CDK19: variants seen among roughly 807,000 people sequenced by gnomAD.
CDK19 encodes cyclin-dependent kinase 19.
A neutral mutation model predicts 68.3 loss-of-function variants in CDK19; 20 were observed. That is an observed-to-expected ratio of 0.29 (90% CI 0.21 to 0.43). CDK19 has a LOEUF of 0.43. CDK19 is among the 20% of genes least tolerant of loss of function. The probability of loss-of-function intolerance (pLI) is 1.00; values close to 1 mark genes in which losing one functional copy is unlikely to be tolerated. For synonymous variants in CDK19, 221 were observed against 222.8 expected (o/e 0.99, Z 0.07); for missense variants, 339 against 623.5 (o/e 0.54, Z 4.86).
intron 2 of CDK19, among the ~76,000 whole-genome samples, chr6:110,710,607 G>C (rs1023489486): frequency 6.6e-6 from 1 of 152,216 alleles, no homozygotes; most frequent in Admixed American, 6.5e-5. Context: ...GAGATTTGCT[G>C]TCTGGTGAGG....
chr6:110,647,267 G>C (rs1269099809), intron 4 of CDK19, among the ~76,000 whole-genome samples: 1 of 151,998 alleles, frequency 6.6e-6, no homozygotes, highest in Non-Finnish European at 1.5e-5. Flanking sequence ...CAAGAGACCA[G>C]CGACTTCACC....
intron 1 of CDK19, among the ~76,000 whole-genome samples, chr6:110,761,065 A>C (rs2114951878): frequency 6.6e-6 from 1 of 152,316 alleles, no homozygotes; most frequent in Non-Finnish European, 1.5e-5. Flanking sequence ...CAGATGAAGC[A>C]GAACAAGTAG....
intron 1 of CDK19, among the ~76,000 whole-genome samples, chr6:110,752,925 TTTTA>T (rs1373603629): frequency 6.6e-6 from 1 of 152,026 alleles, no homozygotes; most frequent in Non-Finnish European, 1.5e-5. Flanking sequence ...GTTTTTGGTT[TTTTA>T]TTTGTTTGTT....
intron 6 of CDK19, among the ~76,000 whole-genome samples, chr6:110,630,299 A>G (rs1156691170): frequency 6.6e-6 from 1 of 152,194 alleles, no homozygotes; most frequent in East Asian, 1.9e-4. Flanking sequence ...ATTTCTATGG[A>G]GATTGCATCC....
intron 2 of CDK19, among the ~76,000 whole-genome samples, chr6:110,672,788 C>T (rs1771133922): frequency 6.6e-6 from 1 of 151,834 alleles, no homozygotes; most frequent in Non-Finnish European, 1.5e-5. Context: ...GAAATACTTC[C>T]TTCAGGTGAG....
intron 2 of CDK19, among the ~76,000 whole-genome samples, chr6:110,672,210 C>T (rs145683341): frequency 5.3e-5 from 8 of 152,252 alleles, no homozygotes; most frequent in Admixed American, 6.5e-5. Context: ...TATTGATGAA[C>T]GTAGAGAGTT....
chr6:110,730,258 C>T (rs1776650528), intron 2 of CDK19, among the ~76,000 whole-genome samples: 1 of 152,180 alleles, frequency 6.6e-6, no homozygotes, highest in Admixed American at 6.5e-5. Context: ...GGCTATTTTA[C>T]TTCCTGGCAA....
At chr6:110,632,813 C>T (rs768300063) in intron 5 of CDK19, among the ~76,000 whole-genome samples, 8 of 152,182 alleles carry the variant, frequency 5.3e-5, no homozygotes, top group Non-Finnish European at 8.8e-5. Context: ...CCAGGTCTGA[C>T]TTTAGATTCC....
chr6:110,790,352 T>C (rs1276187819), intron 1 of CDK19, among the ~76,000 whole-genome samples: 2 of 152,094 alleles, frequency 1.3e-5, no homozygotes, highest in African/African-American at 2.4e-5. Flanking sequence ...CTGGCCAACA[T>C]GGAGAAAACC....
intron 2 of CDK19, among the ~76,000 whole-genome samples, chr6:110,743,623 CAG>C (rs1321021216): frequency 6.6e-6 from 1 of 151,870 alleles, no homozygotes; most frequent in Non-Finnish European, 1.5e-5. Context: ...GCCTGGGTGA[CAG>C]AGTGAGATTC....
chr6:110,644,017 G>A (rs1780373663), intron 4 of CDK19, among the ~76,000 whole-genome samples: 1 of 152,036 alleles, frequency 6.6e-6, no homozygotes, highest in African/African-American at 2.4e-5. Context: ...CAATTGGCCA[G>A]GCGCAGTGGC....
rs1373675435 is a variant in CDK19 at position 110,755,238 on chromosome 6, G to A, written c.129-9037C>T. ...GTATTTTTGGTAGAGATGGGGTTTC[G>A]CTATGTTGGCCAGGCTGGTCTCGAA... On this transcript the variant is annotated intron_variant, in intron 1 of 12. Transcript: ENST00000368911. Among the ~76,000 whole-genome samples, 7 of 151,714 alleles carry A rather than the reference G, an allele frequency of 4.6e-5. 1 individual carries two copies. The highest frequency in any genetic ancestry group is 6.3e-3 in the Middle Eastern group (2 of 316).
chr6:110,685,747 C>T (rs1272321039), intron 2 of CDK19, among the ~76,000 whole-genome samples: 2 of 152,200 alleles, frequency 1.3e-5, no homozygotes, highest in African/African-American at 2.4e-5. Flanking sequence ...CAAAGCTATT[C>T]ACCCCAAAGG....
At chr6:110,664,370 G>A (rs1000738471) in intron 4 of CDK19, among the ~76,000 whole-genome samples, 1 of 152,252 alleles carries the variant, frequency 6.6e-6, no homozygotes, top group South Asian at 2.1e-4. Flanking sequence ...GATTCAGTCT[G>A]TACTTCTCAT....
chr6:110,677,785 A>G (rs1296165223), intron 2 of CDK19, among the ~76,000 whole-genome samples: 4 of 152,092 alleles, frequency 2.6e-5, no homozygotes, highest in Non-Finnish European at 4.4e-5. Flanking sequence ...AACTGTTTGC[A>G]TCTCTCCCCT....
At chr6:110,615,234 G>A (rs947499514) in intron 12 of CDK19, among the ~76,000 whole-genome samples, 1 of 152,074 alleles carries the variant, frequency 6.6e-6, no homozygotes, top group Admixed American at 6.5e-5. Flanking sequence ...ATAAACTTCA[G>A]GTAACATTTA....
intron 2 of CDK19, among the ~76,000 whole-genome samples, chr6:110,742,335 T>A (rs1777738299): frequency 6.6e-6 from 1 of 152,208 alleles, no homozygotes; most frequent in Non-Finnish European, 1.5e-5. Flanking sequence ...AATCTCTTAA[T>A]CCCGTTATCT....
At chr6:110,669,201 CT>C in intron 3 of CDK19, among the ~76,000 whole-genome samples, 1 of 152,204 alleles carries the variant, frequency 6.6e-6, no homozygotes, top group Non-Finnish European at 1.5e-5. Context: ...ACTGGAAATT[CT>C]TGTCCATATC....
intron 1 of CDK19, among the ~76,000 whole-genome samples, chr6:110,777,279 A>G (rs1325717358): frequency 1.3e-5 from 2 of 152,234 alleles, no homozygotes. Flanking sequence ...CTTAAAATTT[A>G]AAATCAATAT....
Sources: gnomAD v4.1 joint callset for allele counts (sites outside exome capture counted in the v4.1 genomes callset) on GRCh38, gnomAD v4.1.1 for gene constraint, MANE v1.5 for transcripts, NCBI Gene and HGNC (gene_info 2026-07-23, HGNC 2026-07-21) for gene names.